NOX4: variants seen among roughly 807,000 people sequenced by gnomAD.
NOX4 encodes NADPH oxidase 4.
Under a neutral mutation model 87.6 loss-of-function variants are expected in NOX4, and 69 were observed. The ratio of observed to expected loss-of-function variants is 0.79; its 90% confidence interval spans 0.65 to 0.96. The LOEUF (loss-of-function observed/expected upper bound fraction) is 0.96. NOX4 is among the 40% of genes least tolerant of loss of function. The probability of loss-of-function intolerance (pLI) is 0.00; values close to 1 mark genes in which losing one functional copy is unlikely to be tolerated. For missense variants in NOX4, 680 were observed against 681.5 expected, an observed-to-expected ratio of 1.00 and a Z score of 0.02; for synonymous variants, 275 against 238.2, an observed-to-expected ratio of 1.15 and a Z score of -1.42.
At chr11:89,471,828 G>C (rs139951104) in intron 2 of NOX4, among the ~76,000 whole-genome samples, 1 of 152,104 alleles carries the variant, frequency 6.6e-6, no homozygotes, top group African/African-American at 2.4e-5. Context: ...TGCAACCTCC[G>C]CCTCCTGGGT....
chr11:89,350,118 C>T (rs1417405244), intron 13 of NOX4, among the ~76,000 whole-genome samples: 1 of 152,154 alleles, frequency 6.6e-6, no homozygotes. Flanking sequence ...TGAGAATTTT[C>T]ATGGAGCAAT....
At chr11:89,496,530 C>T (rs917873843), upstream of NOX4, among the ~76,000 whole-genome samples, 1 of 150,852 alleles carries the variant, frequency 6.6e-6, no homozygotes, top group African/African-American at 2.4e-5. Context: ...TCAAATTGTA[C>T]ACCTTAAATA....
the NOX4 span, among the ~76,000 whole-genome samples, chr11:89,532,111 T>C: frequency 6.6e-6 from 1 of 152,122 alleles, no homozygotes; most frequent in Non-Finnish European, 1.5e-5. Flanking sequence ...AGTGGAAATG[T>C]GGGGTTTGAG....
chr11:89,383,251 T>A (rs1565220104), intron 11 of NOX4, among the ~76,000 whole-genome samples: 1 of 152,236 alleles, frequency 6.6e-6, no homozygotes, highest in Non-Finnish European at 1.5e-5. Flanking sequence ...CTCAGGATCT[T>A]GCTTCAAGTG....
chr11:89,440,444 T>C (rs1006454716), intron 6 of NOX4, among the ~76,000 whole-genome samples: 2 of 151,880 alleles, frequency 1.3e-5, no homozygotes, highest in African/African-American at 4.8e-5. Context: ...CTCAGCCTCC[T>C]AAGTAGCTGG....
intron 9 of NOX4, among the ~76,000 whole-genome samples, chr11:89,400,651 C>T (rs1941785520): frequency 6.6e-6 from 1 of 151,924 alleles, no homozygotes; most frequent in Non-Finnish European, 1.5e-5. Context: ...TATATTCTTT[C>T]ATACACCTTT....
At chr11:89,361,369 T>A (rs1203922594) in intron 12 of NOX4, among the ~76,000 whole-genome samples, 1 of 152,128 alleles carries the variant, frequency 6.6e-6, no homozygotes, top group Non-Finnish European at 1.5e-5. Flanking sequence ...AAATATCCTG[T>A]GTTCTCACTT....
intron 7 of NOX4, among the ~76,000 whole-genome samples, chr11:89,425,934 G>C (rs767614819): frequency 6.6e-6 from 1 of 152,074 alleles, no homozygotes; most frequent in Non-Finnish European, 1.5e-5. Flanking sequence ...TTGAAGATTA[G>C]AGGAAATATA....
chr11:89,482,196 C>A (rs1946419640), intron 2 of NOX4, among the ~76,000 whole-genome samples: 1 of 151,936 alleles, frequency 6.6e-6, no homozygotes, highest in East Asian at 1.9e-4. Flanking sequence ...CCTAAAAAGG[C>A]CTGGGAAGGA....
At chr11:89,473,615 A>T (rs996316831) in intron 2 of NOX4, among the ~76,000 whole-genome samples, 2 of 152,164 alleles carry the variant, frequency 1.3e-5, no homozygotes, top group African/African-American at 4.8e-5. Flanking sequence ...TCTCCTAAGC[A>T]TAGCCTACTT....
chr11:89,522,455 T>G, the NOX4 span, among the ~76,000 whole-genome samples: 2 of 152,122 alleles, frequency 1.3e-5, no homozygotes, highest in Admixed American at 6.6e-5. Context: ...AGCTAAACAT[T>G]AGGTACTCAT....
At chr11:89,459,213 C>T (rs1234685548) in intron 2 of NOX4, among the ~76,000 whole-genome samples, 1 of 151,978 alleles carries the variant, frequency 6.6e-6, no homozygotes, top group Admixed American at 6.6e-5. Context: ...ATACCGAGAA[C>T]ATGTTCTCAC....
chr11:89,368,674 T>C (rs928108986), intron 12 of NOX4, among the ~76,000 whole-genome samples: 6 of 152,210 alleles, frequency 3.9e-5, no homozygotes, highest in African/African-American at 1.4e-4. Context: ...CTTAATATTA[T>C]CATATTGGTG....
chr11:89,457,112 C>T (rs1259398046), intron 2 of NOX4, among the ~76,000 whole-genome samples: 1 of 152,180 alleles, frequency 6.6e-6, no homozygotes, highest in Admixed American at 6.5e-5. Flanking sequence ...CCTGACGATG[C>T]ACACTAGCCA....
rs941316403 is a variant in NOX4 at position 89,429,271 on chromosome 11, T to C, written c.548+3513A>G. ...AAGAGAAAGCAGGAAAGATCTAAAA[T>C]TGACACCCTAATATCACAATTAAAA... On this transcript the variant is annotated intron_variant, in intron 7 of 17. Coordinates refer to ENST00000263317, the MANE Select transcript of NOX4 (RefSeq NM_016931.5). Among the ~76,000 whole-genome samples the C allele has an allele frequency of 1.5e-4, 23 of 152,202 alleles. No individual in the cohort carries two copies. The East Asian group carries it at 1.9e-3, about 13-fold the overall frequency.
At chr11:89,415,851 C>T (rs1216949904) in intron 8 of NOX4, among the ~76,000 whole-genome samples, 1 of 152,080 alleles carries the variant, frequency 6.6e-6, no homozygotes, top group Non-Finnish European at 1.5e-5. Flanking sequence ...AGATTTTACC[C>T]ACTGTCATGA....
chr11:89,574,342 T>C, the NOX4 span, among the ~76,000 whole-genome samples: 3 of 152,180 alleles, frequency 2.0e-5, no homozygotes, highest in African/African-American at 7.2e-5. Flanking sequence ...CCAGGAATCT[T>C]CCCAAAGTAC....
In NOX4 at chr11:89,421,902, C is replaced by A; in HGVS notation, c.629G>T (p.Gly210Val). 6.4e-7 allele frequency: 1 copy of A among 1,557,814 alleles called. No homozygotes were observed. The highest frequency in any genetic ancestry group is 2.4e-5 in the East Asian group (1 of 41,478). The change falls in exon 8 of 18, where the codon GGA becomes GTA. Residue 210 changes from glycine to valine, a missense_variant and splice_region_variant. By Grantham distance (109) the Gly-to-Val change is moderately radical. Coordinates refer to ENST00000263317, the MANE Select transcript of NOX4 (RefSeq NM_016931.5). The part of the protein sequence containing the change: ...FYMLLTLHVS[G>V]GLLKYQTNLD... ...TAAATACATACATTTGTAAACTTAC[C>A]CTGAAACATGCAACGTCAGCAGCAT...
chr11:89,500,853 G>A, upstream of NOX4, among the ~76,000 whole-genome samples: 1 of 152,070 alleles, frequency 6.6e-6, no homozygotes, highest in East Asian at 1.9e-4. Context: ...CCGTATTTTA[G>A]GTTACAGCTG....
Sources: gnomAD v4.1 joint callset for allele counts (sites outside exome capture counted in the v4.1 genomes callset) on GRCh38, gnomAD v4.1.1 for gene constraint, MANE v1.5 for transcripts, NCBI Gene and HGNC (gene_info 2026-07-23, HGNC 2026-07-21) for gene names.